WWP1: variants seen among roughly 807,000 people sequenced by gnomAD.
WWP1 encodes NEDD4-like E3 ubiquitin-protein ligase WWP1.
WWP1 carries 49 observed loss-of-function variants against 130.6 expected under a neutral mutation model. The ratio of observed to expected loss-of-function variants is 0.38; its 90% CI spans 0.30 to 0.48. The LOEUF (loss-of-function observed/expected upper bound fraction) is 0.48, where lower values mean the gene tolerates loss of function less well. WWP1 is among the 20% of genes least tolerant of loss of function. The pLI is 0.99. For synonymous variants in WWP1, 332 were observed against 367.8 expected, an observed-to-expected ratio of 0.90 and a Z score of 1.11; for missense variants, 809 against 1,100.6, an observed-to-expected ratio of 0.74 and a Z score of 3.75.
intron 9 of WWP1, among the ~76,000 whole-genome samples, chr8:86,414,879 T>A (rs899570099): frequency 6.6e-4 from 56 of 85,436 alleles, no homozygotes; most frequent in African/African-American, 3.3e-3. Flanking sequence ...ACATTCTGAA[T>A]CCCCCCCCCA....
At chr8:86,423,415 T>C in intron 9 of WWP1, among the ~76,000 whole-genome samples, 1 of 151,744 alleles carries the variant, frequency 6.6e-6, no homozygotes, top group South Asian at 2.1e-4. Flanking sequence ...GATTAGGGAG[T>C]GGTGATGACT....
At chr8:86,442,880 A>G in intron 18 of WWP1, 102 bp downstream of exon 18, 1 of 1,267,410 alleles carries the variant, frequency 7.9e-7, no homozygotes, top group South Asian at 1.8e-5. Context: ...TTTGCTATTC[A>G]CAAGTTTTGT....
At chr8:86,387,193 A>G (rs1825333048) in intron 5 of WWP1, among the ~76,000 whole-genome samples, 2 of 152,130 alleles carry the variant, frequency 1.3e-5, no homozygotes, top group Admixed American at 6.5e-5. Flanking sequence ...ATTGGTTGCC[A>G]TATATATATT....
chr8:86,379,218 C>CCTTCTATA (rs1824844673), intron 3 of WWP1, among the ~76,000 whole-genome samples: 1 of 152,138 alleles, frequency 6.6e-6, no homozygotes, highest in Non-Finnish European at 1.5e-5. Flanking sequence ...TGGCGCTGAA[C>CCTTCTATA]TTAGAGCAGT....
chr8:86,415,349 A>G (rs1012298549), intron 9 of WWP1, among the ~76,000 whole-genome samples: 1 of 152,132 alleles, frequency 6.6e-6, no homozygotes, highest in Non-Finnish European at 1.5e-5. Context: ...GTGAAAACCC[A>G]TACACTTCCC....
At position 86,431,858 on chromosome 8, in the gene WWP1, T is replaced by TTG; in HGVS notation, c.1601+115_1601+116insTG. On this transcript the variant is annotated intron_variant, in intron 14 of 24. Transcript: ENST00000517970. ...TTTTACTTTTTGGTTCAAGAAAACC[T>TTG]ACACAAGTGAAACCTTAGTATAGCT... 2.9e-6 allele frequency: 4 copies of TTG among 1,374,054 alleles called. No homozygotes were observed. In the South Asian group the frequency reaches 5.6e-5, roughly 19 times the overall value. 85.1% of individuals were successfully genotyped at this position (1,374,054 alleles called of 1,614,324 possible). A position where few individuals can be genotyped will look rare whatever the true frequency, so the allele number is the denominator to read the frequency against.
chr8:86,363,946 A>G (rs535965393), intron 1 of WWP1, among the ~76,000 whole-genome samples: 14 of 152,238 alleles, frequency 9.2e-5, no homozygotes, highest in Non-Finnish European at 1.8e-4. Context: ...AAGGGTGGTT[A>G]GTTAGTTTTG....
chr8:86,359,787 C>T (rs192194708), intron 1 of WWP1, among the ~76,000 whole-genome samples: 18 of 152,104 alleles, frequency 1.2e-4, no homozygotes, highest in Non-Finnish European at 2.4e-4. Flanking sequence ...CAGTGGCTCA[C>T]GCCTGTAATC....
intron 21 of WWP1, among the ~76,000 whole-genome samples, chr8:86,453,341 A>C (rs1287746536): frequency 6.6e-6 from 1 of 152,172 alleles, no homozygotes; most frequent in Admixed American, 6.5e-5. Context: ...CTCAAGGTTC[A>C]TTCGTCCTGT....
rs375524985 is a variant in WWP1 at position 86,446,824 on chromosome 8, A to AG, written c.1999-1322dup. 3.1e-3 allele frequency among the ~76,000 whole-genome samples: 470 copies of AG among 152,256 alleles called. 2 individuals are homozygous for AG. The highest frequency in any genetic ancestry group is 0.011 in the African/African-American group (448 of 41,566). On this transcript the variant is annotated intron_variant, in intron 18 of 24. Transcript: ENST00000517970. Reference sequence around the variant, plus strand: ...AGAGCAATGGGCTTGAGTTGGAGAGAGGAGGAGATTTATTTAGCACACACA... The same window carrying AG: ...AGAGCAATGGGCTTGAGTTGGAGAGAGGGAGGAGATTTATTTAGCACACACA...
At chr8:86,423,880 G>A (rs568038881) in intron 9 of WWP1, among the ~76,000 whole-genome samples, 33 of 143,756 alleles carry the variant, frequency 2.3e-4, no homozygotes, top group African/African-American at 8.0e-4. Flanking sequence ...CCCGGACGGG[G>A]CGGCTGGCCG....
At chr8:86,459,753 A>T (rs1402422869) in intron 22 of WWP1, among the ~76,000 whole-genome samples, 1 of 152,234 alleles carries the variant, frequency 6.6e-6, no homozygotes, top group Non-Finnish European at 1.5e-5. Context: ...GCTTCATTAC[A>T]GTCGGTGTTC....
chr8:86,428,573 T>C (rs1298684445), intron 11 of WWP1, among the ~76,000 whole-genome samples: 1 of 152,214 alleles, frequency 6.6e-6, no homozygotes, highest in African/African-American at 2.4e-5. Flanking sequence ...AAAATCCTGC[T>C]GCAGTCTGGC....
At chr8:86,449,597 C>T (rs538624426) in intron 20 of WWP1, among the ~76,000 whole-genome samples, 11 of 152,268 alleles carry the variant, frequency 7.2e-5, no homozygotes, top group African/African-American at 1.9e-4. Flanking sequence ...GCCCATGGGC[C>T]GTAATTTGCC....
At position 86,400,499 on chromosome 8, in the gene WWP1, A is replaced by G. The variant is rs966462011; in HGVS notation, c.540-1520A>G. ...GCCAAGGAATCATCTCTGAGGAGGTATGATTTGAGCTAAGATTAATAAGCC... is the reference window on the plus strand; with the variant it reads ...GCCAAGGAATCATCTCTGAGGAGGTGTGATTTGAGCTAAGATTAATAAGCC... On this transcript the variant is annotated intron_variant, in intron 7 of 24. Transcript: ENST00000517970. Among the ~76,000 whole-genome samples the G allele has an allele frequency of 2.6e-5, 4 of 152,262 alleles. No individual in the cohort carries two copies. The East Asian group carries it at 5.8e-4, about 22-fold the overall frequency.
intron 24 of WWP1, among the ~76,000 whole-genome samples, chr8:86,466,244 C>T (rs528805855): frequency 2.0e-5 from 3 of 152,068 alleles, no homozygotes; most frequent in Non-Finnish European, 4.4e-5. Flanking sequence ...TTGAGTATGG[C>T]AAGATTGAAA....
intron 22 of WWP1, among the ~76,000 whole-genome samples, chr8:86,460,849 G>A (rs974627696): frequency 5.2e-5 from 6 of 114,608 alleles, no homozygotes; most frequent in Admixed American, 4.0e-4. Flanking sequence ...TTGCTCTGTC[G>A]CCCAGGCTGG....
chr8:86,395,512 T>C (rs1462883269), intron 5 of WWP1, among the ~76,000 whole-genome samples: 3 of 152,130 alleles, frequency 2.0e-5, no homozygotes, highest in Non-Finnish European at 4.4e-5. Context: ...AGAAAAGTCA[T>C]GCCTGGTGAC....
At chr8:86,455,818 A>G (rs1157892914) in intron 21 of WWP1, among the ~76,000 whole-genome samples, 2 of 151,990 alleles carry the variant, frequency 1.3e-5, no homozygotes, top group East Asian at 3.9e-4. Flanking sequence ...AGCAAAGCCA[A>G]TTTTGAGAAA....
Sources: allele counts gnomAD v4.1 joint callset (sites outside exome capture counted in the v4.1 genomes callset), GRCh38; gene constraint gnomAD v4.1.1; transcripts MANE v1.5; gene names NCBI Gene and HGNC (gene_info 2026-07-23, HGNC 2026-07-21).